PIP5K1A: variants seen among roughly 807,000 people sequenced by gnomAD.
The protein encoded by PIP5K1A is phosphatidylinositol-4-phosphate 5-kinase type 1 alpha, also known as phosphatidylinositol 4-phosphate 5-kinase type-1 alpha.
Under a neutral mutation model 72.9 loss-of-function variants are expected in PIP5K1A, and 46 were observed. The ratio of observed to expected loss-of-function variants is 0.63; its 90% CI spans 0.50 to 0.81. The LOEUF is 0.81. Ranked by LOEUF, PIP5K1A falls within the 30% of genes least tolerant of loss-of-function variation. The pLI, the probability that PIP5K1A is intolerant of heterozygous loss-of-function variation, is 0.00. For missense variants in PIP5K1A, 458 were observed against 706.1 expected (o/e 0.65, Z 3.98); for synonymous variants, 228 against 255.1 (o/e 0.89, Z 1.01).
At chr1:151,235,846 G>A (rs1690764696) in intron 8 of PIP5K1A, among the ~76,000 whole-genome samples, 1 of 152,230 alleles carries the variant, frequency 6.6e-6, no homozygotes, top group Admixed American at 6.5e-5. Flanking sequence ...AACCAGGCCG[G>A]GCGTGGTGGC....
At chr1:151,235,869 T>G (rs1248767209) in intron 8 of PIP5K1A, among the ~76,000 whole-genome samples, 1 of 152,130 alleles carries the variant, frequency 6.6e-6, no homozygotes, top group Non-Finnish European at 1.5e-5. Flanking sequence ...ACGCCTGTAA[T>G]CCCAGCACTT....
chr1:151,238,317 T>C, intron 10 of PIP5K1A, 52 bp downstream of exon 10: 1 of 1,149,110 alleles, frequency 8.7e-7, no homozygotes, highest in Non-Finnish European at 1.3e-6. Flanking sequence ...AGATAACCAG[T>C]CACGTTTCTC....
At chr1:151,196,796 G>A (rs1684586436), upstream of PIP5K1A, among the ~76,000 whole-genome samples, 1 of 151,124 alleles carries the variant, frequency 6.6e-6, no homozygotes, top group African/African-American at 2.4e-5. Flanking sequence ...CCCGACCTCA[G>A]GTGATCCGCC....
intron 1 of PIP5K1A, among the ~76,000 whole-genome samples, chr1:151,215,066 C>T (rs188897327): frequency 3.5e-4 from 46 of 132,852 alleles, no homozygotes; most frequent in African/African-American, 1.3e-3. Context: ...GTTTTGCTCT[C>T]GTTGCCCAGG....
upstream of PIP5K1A, chr1:151,198,514 T>C (rs945832064): frequency 4.0e-5 from 8 of 198,036 alleles, no homozygotes; most frequent in South Asian, 2.2e-4. Flanking sequence ...ATGAGTGGGC[T>C]GATGCCCCGA....
At chr1:151,232,516 G>C (rs759168854) in intron 6 of PIP5K1A, 35 bp from the exon 7 acceptor site, 1 of 1,586,818 alleles carries the variant, frequency 6.3e-7, no homozygotes, top group African/African-American at 1.4e-5. Flanking sequence ...GCCCTGATGT[G>C]TCTAAATCTC....
At position 151,232,157 on chromosome 1, in the gene PIP5K1A, C is replaced by A. The variant is rs936093793; in HGVS notation, c.369-91C>A. 16 of 840,470 alleles carry A rather than the reference C, an allele frequency of 1.9e-5. No individual in the cohort carries two copies. In the Admixed American group the frequency reaches 2.7e-4, roughly 14 times the overall value. 52.1% of individuals were successfully genotyped at this position (840,470 alleles called of 1,614,324 possible). On this transcript the variant is annotated intron_variant, in intron 5 of 15. Transcript: ENST00000368888. ...GAGGAATGTATTCCCCCACTCCCCC[C>A]ACCATGAGGTGACTCTGAGTGTCTT...
chr1:151,245,360 G>GAAAAATTTT (rs1692345403), intron 14 of PIP5K1A, among the ~76,000 whole-genome samples: 1 of 152,002 alleles, frequency 6.6e-6, no homozygotes, highest in Non-Finnish European at 1.5e-5. Flanking sequence ...CTCACTTTAA[G>GAAAAATTTT]CCCTCACTGG....
chr1:151,220,209 C>G (rs1182017010), intron 1 of PIP5K1A, among the ~76,000 whole-genome samples: 1 of 151,688 alleles, frequency 6.6e-6, no homozygotes, highest in African/African-American at 2.4e-5. Context: ...TTTCACCTTG[C>G]TAGCCAGGAT....
intron 3 of PIP5K1A, among the ~76,000 whole-genome samples, chr1:151,226,925 G>C (rs1689233698): frequency 6.6e-6 from 1 of 152,026 alleles, no homozygotes; most frequent in Non-Finnish European, 1.5e-5. Flanking sequence ...TGCTCGGGAG[G>C]CTGAGGCGAG....
chr1:151,219,850 C>CGTTTTTTTT (rs1257084814), intron 1 of PIP5K1A, among the ~76,000 whole-genome samples: 11 of 97,828 alleles, frequency 1.1e-4, no homozygotes, highest in African/African-American at 3.8e-4. Context: ...CATATTCTTT[C>CGTTTTTTTT]CTTTTTTTTT....
chr1:151,207,609 GTGACCTC>G (rs1686119479), intron 1 of PIP5K1A, among the ~76,000 whole-genome samples: 1 of 147,640 alleles, frequency 6.8e-6, no homozygotes, highest in Non-Finnish European at 1.5e-5. Context: ...TCGGCTCACT[GTGACCTC>G]TGTCTTCCAG....
intron 4 of PIP5K1A, among the ~76,000 whole-genome samples, chr1:151,229,677 A>G (rs1689745422): frequency 1.3e-5 from 2 of 150,710 alleles, no homozygotes; most frequent in African/African-American, 4.9e-5. Context: ...CTCTTTTTAT[A>G]TGTTGAACAT....
chr1:151,222,375 A>G (rs928860225), intron 1 of PIP5K1A, among the ~76,000 whole-genome samples: 2 of 152,234 alleles, frequency 1.3e-5, no homozygotes, highest in Non-Finnish European at 2.9e-5. Flanking sequence ...ATGGAGCGAC[A>G]TCGTCTCATC....
chr1:151,236,099 G>A (rs997861716), intron 8 of PIP5K1A, among the ~76,000 whole-genome samples: 5 of 137,704 alleles, frequency 3.6e-5, no homozygotes, highest in African/African-American at 8.2e-5. Flanking sequence ...CCAGCCTGGC[G>A]ACAAAGCAAG....
chr1:151,240,038 C>T lies in PIP5K1A; in HGVS notation c.1362C>T (p.Pro454=). ...GCAACACAGTATTTAAGAAGATTCC[C>T]TGTAAGTGGTTTCTACCAATTGACT... ...FMCNTVFKKI[P]LKPSPSKKFR... Residue 454 remains proline, a splice_region_variant and synonymous_variant, in exon 12 of 16, where the codon CCC becomes CCT. Coordinates refer to ENST00000368888, the MANE Select transcript of PIP5K1A (RefSeq NM_001135638.2). The T allele has an allele frequency of 6.2e-7, 1 of 1,609,180 alleles. No homozygotes were observed. The highest frequency in any genetic ancestry group is 8.5e-7 in the Non-Finnish European group (1 of 1,175,764).
At chr1:151,212,248 G>A (rs780292840) in intron 1 of PIP5K1A, among the ~76,000 whole-genome samples, 13 of 152,188 alleles carry the variant, frequency 8.5e-5, no homozygotes, top group Admixed American at 3.9e-4. Flanking sequence ...GAAGCCAGGA[G>A]TTCAAAACCA....
upstream of PIP5K1A, among the ~76,000 whole-genome samples, chr1:151,197,063 T>C (rs925844909): frequency 6.6e-5 from 10 of 150,552 alleles, no homozygotes; most frequent in African/African-American, 2.4e-4. Context: ...GGTTTCACTA[T>C]GTTGGCCAGG....
chr1:151,199,257 T>A, intron 1 of PIP5K1A, 176 bp downstream of exon 1: 1 of 1,286,144 alleles, frequency 7.8e-7, no homozygotes, highest in African/African-American at 1.5e-5. Flanking sequence ...AAAGGATAAG[T>A]TTGATTAAGA....
Sources: allele counts gnomAD v4.1 joint callset (sites outside exome capture counted in the v4.1 genomes callset), GRCh38; gene constraint gnomAD v4.1.1; transcripts MANE v1.5; gene names NCBI Gene and HGNC (gene_info 2026-07-23, HGNC 2026-07-21).